TRIM63: variants seen among roughly 807,000 people sequenced by gnomAD.
TRIM63 encodes the protein tripartite motif containing 63.
Under a neutral mutation model 46.0 loss-of-function variants are expected in TRIM63, and 48 were observed. The ratio of observed to expected loss-of-function variants is 1.04; its 90% CI spans 0.83 to 1.33. The LOEUF (loss-of-function observed/expected upper bound fraction) is 1.33, where lower values mean the gene tolerates loss of function less well. TRIM63 is among the 40% of genes most tolerant of loss of function. The pLI is 0.00. For synonymous variants in TRIM63, 175 were observed against 162.8 expected (o/e 1.08, Z -0.57); for missense variants, 455 against 441.2 (o/e 1.03, Z -0.28).
At position 26,052,755 on chromosome 1, in the gene TRIM63, C is replaced by CCATG. The variant is rs1365737461; in HGVS notation, c.1052-876_1052-873dup. 3.3e-5 allele frequency among the ~76,000 whole-genome samples: 5 copies of CCATG among 152,254 alleles called. No homozygotes were observed. The East Asian group carries it at 7.7e-4, about 24-fold the overall frequency. On this transcript the variant is annotated intron_variant, in intron 8 of 8. Transcript: ENST00000374272. ...GTGCTAGGATTACAGGCGTGAGCCA[C>CCATG]CATGCCAGCGTGTCCCCTTTAAAGG...
intron 3 of TRIM63, 29 bp downstream of exon 3, chr1:26,061,137 C>T (rs779478408): frequency 3.7e-6 from 6 of 1,607,580 alleles, no homozygotes; most frequent in Non-Finnish European, 5.1e-6. Context: ...CAGGCCCAGG[C>T]TGGGGGTAAA....
At chr1:26,058,711 T>C in intron 4 of TRIM63, 88 bp from the exon 5 acceptor site, 1 of 1,067,194 alleles carries the variant, frequency 9.4e-7, no homozygotes, top group South Asian at 1.4e-5. Context: ...GCAAGGAATC[T>C]AAAGCTAGAA....
chr1:26,061,770 AT>A (rs1285136106), intron 2 of TRIM63, among the ~76,000 whole-genome samples: 1 of 152,234 alleles, frequency 6.6e-6, no homozygotes, highest in Non-Finnish European at 1.5e-5. Flanking sequence ...AGTTGCTCTA[AT>A]TATAGTCACC....
Position 26,066,300 on chromosome 1 carries a change from G to A in TRIM63, c.300C>T (p.Asn100=), listed in dbSNP as rs2050676736. Residue 100 remains asparagine, a synonymous_variant, in exon 2 of 9, where the codon AAC becomes AAT. Coordinates refer to ENST00000374272, the MANE Select transcript of TRIM63 (RefSeq NM_032588.4). ...YGLQRNLLVE[N]IIDIYKQECS... ...ACTCCTGTTTGTAGATGTCGATGATGTTCTCCACCAGCAGGTTCCTCTGCA... is the reference window on the plus strand; with the variant it reads ...ACTCCTGTTTGTAGATGTCGATGATATTCTCCACCAGCAGGTTCCTCTGCA... 6.2e-7 allele frequency: 1 copy of A among 1,614,080 alleles called. No individual in the cohort carries two copies. The highest frequency in any genetic ancestry group is 2.2e-5 in the East Asian group (1 of 44,882).
chr1:26,057,151 T>C, intron 7 of TRIM63, 52 bp downstream of exon 7: 3 of 1,580,880 alleles, frequency 1.9e-6, no homozygotes, highest in Non-Finnish European at 8.7e-7. Context: ...GGGATGCTGG[T>C]TTCCAGGGGT....
In TRIM63 at chr1:26,054,094, G is replaced by A. The variant is rs535128320; in HGVS notation, c.980-130C>T. ...CAGTCGGGTCAAACGGCCACACAGC[G>A]GCGGCAGTGGTCTGGGAGGGGATGG... On this transcript the variant is annotated intron_variant, in intron 7 of 8. Coordinates refer to ENST00000374272, the MANE Select transcript of TRIM63 (RefSeq NM_032588.4). 290 of 602,744 alleles carry A rather than the reference G, an allele frequency of 4.8e-4. No individual in the cohort carries two copies. The African/African-American group carries it at 5.2e-3, about 11-fold the overall frequency. 37.3% of individuals were successfully genotyped at this position (602,744 alleles called of 1,614,324 possible).
intron 4 of TRIM63, among the ~76,000 whole-genome samples, chr1:26,059,055 C>T (rs755003263): frequency 5.5e-5 from 7 of 128,412 alleles, no homozygotes; most frequent in East Asian, 4.6e-4. Context: ...GATGGAGTCT[C>T]GCTCTGTTGC....
At chr1:26,065,419 C>T (rs533548534) in intron 2 of TRIM63, among the ~76,000 whole-genome samples, 1 of 152,320 alleles carries the variant, frequency 6.6e-6, no homozygotes, top group African/African-American at 2.4e-5. Flanking sequence ...ACCTCCCTGG[C>T]TCAACAATTC....
At chr1:26,062,444 A>G (rs908175483) in intron 2 of TRIM63, among the ~76,000 whole-genome samples, 6 of 152,042 alleles carry the variant, frequency 3.9e-5, no homozygotes, top group Admixed American at 3.9e-4. Flanking sequence ...TAGCTTCACC[A>G]CTTTCTAGCT....
Position 26,051,799 on chromosome 1 carries a change from C to T in TRIM63, c.*74G>A. On this transcript the variant is annotated 3_prime_UTR_variant, in exon 9 of 9. Transcript: ENST00000374272. ...CCGACCCCTCCCACCCTGGGCCTGT[C>T]ACCAAGGCCGCTGGGCCCCTCCCCA... 7.3e-6 allele frequency: 2 copies of T among 275,606 alleles called. No homozygotes were observed. The highest frequency in any genetic ancestry group is 1.4e-5 in the Non-Finnish European group (2 of 142,556). 17.1% of individuals were successfully genotyped at this position (275,606 alleles called of 1,614,324 possible). A position where few individuals can be genotyped will look rare whatever the true frequency, so the allele number is the denominator to read the frequency against.
chr1:26,061,577 C>T (rs1242752335), intron 2 of TRIM63, among the ~76,000 whole-genome samples: 1 of 152,236 alleles, frequency 6.6e-6, no homozygotes, highest in Non-Finnish European at 1.5e-5. Flanking sequence ...GACACCAAAT[C>T]TGTCCCCACA....
chr1:26,059,570 T>A (rs1182990866), intron 4 of TRIM63, among the ~76,000 whole-genome samples: 1 of 152,130 alleles, frequency 6.6e-6, no homozygotes, highest in East Asian at 1.9e-4. Context: ...CAATAGCATC[T>A]CATCAGACCG....
chr1:26,056,730 G>C (rs1030302239), intron 7 of TRIM63, among the ~76,000 whole-genome samples: 1 of 151,934 alleles, frequency 6.6e-6, no homozygotes, highest in Non-Finnish European at 1.5e-5. Context: ...GCTAGGCTCT[G>C]GGCTCATCTA....
rs778230726 is a variant in TRIM63 at position 26,061,310 on chromosome 1, G to A, written c.357C>T (p.His119=). 1.1e-5 allele frequency: 17 copies of A among 1,614,162 alleles called. 1 individual carries two copies. The South Asian group carries it at 1.5e-4, about 15-fold the overall frequency. Residue 119 remains histidine, a synonymous_variant, in exon 3 of 9, where the codon CAC becomes CAT. Coordinates refer to ENST00000374272, the MANE Select transcript of TRIM63 (RefSeq NM_032588.4). ...CATCTTCGTGCTCCTTGCACATGGG[G>A]TGACTGCCCTTCTGCAGCGGCCGAC... ...CSSRPLQKGS[H]PMCKEHEDEK...
intron 2 of TRIM63, among the ~76,000 whole-genome samples, chr1:26,062,000 G>A (rs975496761): frequency 6.6e-6 from 1 of 152,200 alleles, no homozygotes; most frequent in Non-Finnish European, 1.5e-5. Flanking sequence ...GGGCGCAGTG[G>A]CTCACGCCTG....
intron 2 of TRIM63, 49 bp from the exon 3 acceptor site, chr1:26,061,383 C>T (rs767062155): frequency 1.3e-6 from 2 of 1,591,480 alleles, no homozygotes; most frequent in East Asian, 2.2e-5. Flanking sequence ...GTCCCTGCAT[C>T]CCCCTCCCCA....
At chr1:26,056,785 G>A (rs1021071262) in intron 7 of TRIM63, among the ~76,000 whole-genome samples, 2 of 146,678 alleles carry the variant, frequency 1.4e-5, no homozygotes, top group Non-Finnish European at 3.0e-5. Context: ...TTGAGATGGA[G>A]TTTGGCTGGC....
intron 2 of TRIM63, among the ~76,000 whole-genome samples, chr1:26,063,387 C>A (rs1297590229): frequency 2.0e-5 from 3 of 152,242 alleles, no homozygotes; most frequent in African/African-American, 7.2e-5. Flanking sequence ...CTCCAAACAG[C>A]CTTACATGAC....
intron 5 of TRIM63, among the ~76,000 whole-genome samples, chr1:26,058,035 T>G (rs2050588471): frequency 1.3e-5 from 2 of 152,210 alleles, no homozygotes; most frequent in Admixed American, 1.3e-4. Flanking sequence ...ACTGAGCCTT[T>G]TCTGTCCTCC....
Sources: gnomAD v4.1 joint callset for allele counts (sites outside exome capture counted in the v4.1 genomes callset) on GRCh38, gnomAD v4.1.1 for gene constraint, MANE v1.5 for transcripts, NCBI Gene and HGNC (gene_info 2026-07-23, HGNC 2026-07-21) for gene names.